The following TLE4 variants were observed in gnomAD, a reference collection of about 807,000 sequenced individuals.
TLE4 encodes TLE family member 4, transcriptional corepressor, also known as transducin-like enhancer protein 4.
Under a neutral mutation model 92.8 loss-of-function variants are expected in TLE4, and 8 were observed. The observed-to-expected ratio is 0.09, with a 90% CI of 0.05 to 0.16. The LOEUF (loss-of-function observed/expected upper bound fraction) is 0.16, where lower values mean the gene tolerates loss of function less well. TLE4 is among the 10% of genes least tolerant of loss of function. The probability of loss-of-function intolerance (pLI) is 1.00; values close to 1 mark genes in which losing one functional copy is unlikely to be tolerated. For missense variants in TLE4, 675 were observed against 997.6 expected (o/e 0.68, Z 4.36); for synonymous variants, 371 against 374.1 (o/e 0.99, Z 0.10).
At chr9:79,664,428 C>G (rs1359198974) in intron 8 of TLE4, among the ~76,000 whole-genome samples, 3 of 152,076 alleles carry the variant, frequency 2.0e-5, no homozygotes, top group African/African-American at 7.2e-5. Context: ...CTTGGCCCAG[C>G]CCCCGCCTCA....
rs2036095775 is a variant in TLE4, at chr9:79,572,590, G to GCGGCC, written c.-196_-192dup. 1 of 223,146 alleles carries GCGGCC rather than the reference G, an allele frequency of 4.5e-6. No individual in the cohort carries two copies. Among genetic ancestry groups the GCGGCC allele is most frequent in the Admixed American group, 5.9e-5 (1 of 16,966 alleles). 13.8% of individuals were successfully genotyped at this position (223,146 alleles called of 1,614,324 possible). A position where few individuals can be genotyped will look rare whatever the true frequency, so the allele number is the denominator to read the frequency against. On this transcript the variant is annotated 5_prime_UTR_variant, in exon 1 of 20. An upstream open reading frame in the 5' UTR gains an earlier in-frame stop. Coordinates refer to ENST00000376552, the MANE Select transcript of TLE4 (RefSeq NM_007005.6). ...CAGTGACGCCCGCGGGGAATGCGGA[G>GCGGCC]CGGCCCGGCAGCCGGCACCCAGCCG...
chr9:79,673,845 G>A (rs558066494), intron 8 of TLE4, among the ~76,000 whole-genome samples: 94 of 152,220 alleles, frequency 6.2e-4, no homozygotes, highest in Non-Finnish European at 8.8e-4. Context: ...GGCCATTGCT[G>A]CATGTGAGTA....
Position 79,725,866 on chromosome 9 carries a change from G to T in TLE4, c.*722G>T, listed in dbSNP as rs1565255419. 1 of 152,588 alleles carries T rather than the reference G, an allele frequency of 6.6e-6. No homozygotes were observed. The highest frequency in any genetic ancestry group is 1.5e-5 in the Non-Finnish European group (1 of 68,030). 9.5% of individuals were successfully genotyped at this position (152,588 alleles called of 1,614,324 possible). A position where few individuals can be genotyped will look rare whatever the true frequency, so the allele number is the denominator to read the frequency against. ...TTTTGACTCGTTGACAAGTGTCTTT[G>T]TAATATGTTTTTAGTTCCCTTTTTT... On this transcript the variant is annotated 3_prime_UTR_variant, in exon 20 of 20. Coordinates refer to ENST00000376552, the MANE Select transcript of TLE4 (RefSeq NM_007005.6).
At chr9:79,627,741 CAAA>C (rs1175354547) in intron 6 of TLE4, 13 of 269,430 alleles carry the variant, frequency 4.8e-5, no homozygotes, top group South Asian at 6.4e-5. Flanking sequence ...TAACCTAGGC[CAAA>C]AAAAAAAAGA....
intron 5 of TLE4, among the ~76,000 whole-genome samples, chr9:79,622,995 C>T (rs75031730): frequency 0.011 from 1,713 of 152,156 alleles, 38 homozygotes; most frequent in African/African-American, 0.039. Context: ...TATCTCTACC[C>T]TTATACTCTT....
chr9:79,601,129 T>C (rs984025125), intron 4 of TLE4, among the ~76,000 whole-genome samples: 4 of 152,218 alleles, frequency 2.6e-5, no homozygotes, highest in Admixed American at 1.3e-4. Context: ...AAAACACATA[T>C]TTTGCCAAGG....
chr9:79,605,216 A>G (rs1351437224), intron 4 of TLE4, among the ~76,000 whole-genome samples: 1 of 152,012 alleles, frequency 6.6e-6, no homozygotes, highest in Non-Finnish European at 1.5e-5. Context: ...TAGAGAAAGT[A>G]ATTTTCTTTC....
rs182547466 is a variant in TLE4 at position 79,700,715 on chromosome 9, C to T, written c.610-4068C>T. ...ATCTACCCTGTTCTTTTTAAATATC[C>T]CAGCATAAGTGTTTACTTTTAAAAT... On this transcript the variant is annotated intron_variant, in intron 8 of 19. Coordinates refer to ENST00000376552, the MANE Select transcript of TLE4 (RefSeq NM_007005.6). Among the ~76,000 whole-genome samples, 4 of 152,078 alleles carry T rather than the reference C, an allele frequency of 2.6e-5. No homozygotes were observed. In the East Asian group the frequency reaches 7.7e-4, roughly 29 times the overall value.
chr9:79,619,809 T>C (rs1270779621), intron 5 of TLE4, among the ~76,000 whole-genome samples: 1 of 152,240 alleles, frequency 6.6e-6, no homozygotes. Flanking sequence ...GGCCCAGTTT[T>C]CTGATTTTCA....
intron 8 of TLE4, among the ~76,000 whole-genome samples, chr9:79,669,677 C>T (rs2134781686): frequency 6.6e-6 from 1 of 152,240 alleles, no homozygotes; most frequent in African/African-American, 2.4e-5. Context: ...CCCTCTGCTA[C>T]TGGTGACAAA....
At chr9:79,590,995 G>C (rs1587788700) in intron 4 of TLE4, among the ~76,000 whole-genome samples, 1 of 152,172 alleles carries the variant, frequency 6.6e-6, no homozygotes, top group East Asian at 1.9e-4. Context: ...AGTAGTCCTG[G>C]TCACCTCAGA....
chr9:79,674,490 A>T (rs1468299931), intron 8 of TLE4, among the ~76,000 whole-genome samples: 3 of 152,178 alleles, frequency 2.0e-5, no homozygotes, highest in African/African-American at 7.2e-5. Flanking sequence ...AAATGCAAAG[A>T]TTAGAGATAG....
At chr9:79,632,064 T>A (rs2133703505) in intron 6 of TLE4, among the ~76,000 whole-genome samples, 1 of 152,294 alleles carries the variant, frequency 6.6e-6, no homozygotes, top group South Asian at 2.1e-4. Flanking sequence ...CTACAACATG[T>A]GTCCCACAGC....
intron 8 of TLE4, among the ~76,000 whole-genome samples, chr9:79,659,272 C>CT (rs1172318678): frequency 6.6e-6 from 1 of 152,216 alleles, no homozygotes; most frequent in Non-Finnish European, 1.5e-5. Context: ...CACCCAGCAA[C>CT]TAGGTACAAG....
At position 79,692,626 on chromosome 9, in the gene TLE4, C is replaced by T. The variant is rs543912837; in HGVS notation, c.610-12157C>T. Among the ~76,000 whole-genome samples the T allele has an allele frequency of 1.5e-3, 231 of 152,280 alleles. 2 individuals carry two copies. The highest frequency in any genetic ancestry group is 3.4e-3 in the Middle Eastern group (1 of 294). On this transcript the variant is annotated intron_variant, in intron 8 of 19. Coordinates refer to ENST00000376552, the MANE Select transcript of TLE4 (RefSeq NM_007005.6). ...GGGTAGCTTAAGTAGAAATTTATTT[C>T]TCACAGTTCTGGGGGCTGGGAAGTC...
At chr9:79,637,340 G>C (rs2056128752) in intron 6 of TLE4, among the ~76,000 whole-genome samples, 1 of 152,162 alleles carries the variant, frequency 6.6e-6, no homozygotes, top group Non-Finnish European at 1.5e-5. Flanking sequence ...ATGAAACCAA[G>C]GGCTTTGAAG....
intron 5 of TLE4, among the ~76,000 whole-genome samples, chr9:79,625,542 TC>T (rs1235814931): frequency 1.3e-5 from 2 of 151,962 alleles, no homozygotes; most frequent in African/African-American, 4.8e-5. Flanking sequence ...AGGTGGAAAA[TC>T]CCATAAACAT....
At chr9:79,618,531 T>G (rs907614118) in intron 5 of TLE4, among the ~76,000 whole-genome samples, 2 of 152,230 alleles carry the variant, frequency 1.3e-5, no homozygotes, top group Non-Finnish European at 2.9e-5. Context: ...TCATGGTCAT[T>G]GTTACCTTTA....
At chr9:79,584,277 G>C (rs2040502065) in intron 4 of TLE4, among the ~76,000 whole-genome samples, 1 of 152,228 alleles carries the variant, frequency 6.6e-6, no homozygotes, top group Admixed American at 6.5e-5. Context: ...TCTCTAGTGA[G>C]AGATCTGATC....
Sources: allele counts gnomAD v4.1 joint callset (sites outside exome capture counted in the v4.1 genomes callset), GRCh38; gene constraint gnomAD v4.1.1; transcripts MANE v1.5; gene names NCBI Gene and HGNC (gene_info 2026-07-23, HGNC 2026-07-21).